Variants in MAF observed in about 807,000 individuals in gnomAD.
MAF encodes the protein transcription factor Maf.
MAF carries 10 observed loss-of-function variants against 22.0 expected under a neutral mutation model. The observed-to-expected ratio is 0.45, with a 90% CI of 0.28 to 0.77. The LOEUF (loss-of-function observed/expected upper bound fraction) is 0.77, where lower values mean the gene tolerates loss of function less well. Among genes scored for constraint, MAF ranks in the 30% least tolerant of loss-of-function variants. The probability of loss-of-function intolerance (pLI) is 0.12; values close to 1 mark genes in which losing one functional copy is unlikely to be tolerated. For synonymous variants in MAF, 337 were observed against 255.8 expected (o/e 1.32, Z -3.03); for missense variants, 544 against 548.4 (o/e 0.99, Z 0.08).
chr16:79,363,439 T>C, the MAF span, among the ~76,000 whole-genome samples: 1 of 152,194 alleles, frequency 6.6e-6, no homozygotes, highest in Non-Finnish European at 1.5e-5. Flanking sequence ...GGCAAAATCA[T>C]CTAACACAAA....
At chr16:79,413,426 T>G in the MAF span, among the ~76,000 whole-genome samples, 1 of 148,048 alleles carries the variant, frequency 6.8e-6, no homozygotes, top group African/African-American at 2.5e-5. Flanking sequence ...TTTTTATTTT[T>G]AGTAGAGACG....
chr16:79,427,849 A>G, the MAF span, among the ~76,000 whole-genome samples: 2 of 152,092 alleles, frequency 1.3e-5, no homozygotes, highest in Admixed American at 1.3e-4. Context: ...ATCTGATTTT[A>G]TACAGCTCTG....
At chr16:79,374,581 T>C in the MAF span, among the ~76,000 whole-genome samples, 2 of 152,192 alleles carry the variant, frequency 1.3e-5, no homozygotes, top group African/African-American at 2.4e-5. Flanking sequence ...TCAGCAAGGA[T>C]TTATTGATGA....
In MAF at chr16:79,599,639, C is replaced by T. The variant is rs746181829; in HGVS notation, c.264G>A (p.Leu88=). Residue 88 remains leucine (L), a synonymous_variant, in exon 1 of 2, where the codon CTG becomes CTA. Transcript: ENST00000326043. Reference sequence around the variant, plus strand: ...AGCCGGTCATCCAGTAGTAGTCTTCCAGGTGCGCCTTCTGCTCGCTGCCCG... The same window carrying T: ...AGCCGGTCATCCAGTAGTAGTCTTCTAGGTGCGCCTTCTGCTCGCTGCCCG... The part of the protein sequence containing the change: ...PGSGSEQKAH[L]EDYYWMTGYP... 13 of 1,611,704 alleles carry T rather than the reference C, an allele frequency of 8.1e-6. No homozygotes were observed. The highest frequency in any genetic ancestry group is 1.6e-4 in the Middle Eastern group (1 of 6,068).
At chr16:79,458,853 G>T in the MAF span, among the ~76,000 whole-genome samples, 1 of 152,176 alleles carries the variant, frequency 6.6e-6, no homozygotes. Context: ...ACTGAGAAAA[G>T]TTTCTCCCTG....
the MAF span, among the ~76,000 whole-genome samples, chr16:79,544,772 CA>C: frequency 0.037 from 4,183 of 113,540 alleles, 65 homozygotes; most frequent in Non-Finnish European, 0.046. Context: ...GGCTCTGTCT[CA>C]AAAAAAAAAA....
chr16:79,235,981 C>T, the MAF span, among the ~76,000 whole-genome samples: 67 of 152,116 alleles, frequency 4.4e-4, no homozygotes, highest in African/African-American at 1.5e-3. Flanking sequence ...TCTCTGCCAC[C>T]GTACCAGCAA....
At chr16:79,239,551 C>T in the MAF span, among the ~76,000 whole-genome samples, 1 of 152,020 alleles carries the variant, frequency 6.6e-6, no homozygotes, top group Admixed American at 6.6e-5. Context: ...CCACAGATGG[C>T]CAGATTAACC....
At chr16:79,213,565 A>G in the MAF span, among the ~76,000 whole-genome samples, 1 of 152,196 alleles carries the variant, frequency 6.6e-6, no homozygotes, top group African/African-American at 2.4e-5. Context: ...AGTGCTTTGC[A>G]CTGGGGCTTG....
At chr16:79,594,891 T>C (rs1913421463) in intron 1 of MAF, 3 of 1,204,248 alleles carry the variant, frequency 2.5e-6, no homozygotes, top group Non-Finnish European at 3.1e-6. Context: ...CAAACCTGCT[T>C]ATTATATTCA....
intron 1 of MAF, 100 bp downstream of exon 1, chr16:79,598,685 G>A: frequency 3.8e-6 from 6 of 1,567,202 alleles, no homozygotes; most frequent in Non-Finnish European, 5.2e-6. Flanking sequence ...GTGGTGAGGT[G>A]GTGGCGAGCA....
the MAF span, among the ~76,000 whole-genome samples, chr16:79,324,650 G>C: frequency 2.6e-5 from 4 of 152,188 alleles, no homozygotes; most frequent in African/African-American, 9.7e-5. Context: ...CAGATGCAAA[G>C]TTCTGTGCAG....
the MAF span, among the ~76,000 whole-genome samples, chr16:79,492,525 T>C: frequency 6.6e-6 from 1 of 151,346 alleles, no homozygotes; most frequent in Non-Finnish European, 1.5e-5. Flanking sequence ...CCATCCCAGG[T>C]CTAAACCCAA....
chr16:79,336,646 G>A, the MAF span, among the ~76,000 whole-genome samples: 1 of 152,164 alleles, frequency 6.6e-6, no homozygotes, highest in African/African-American at 2.4e-5. Context: ...AACACAGGAA[G>A]GTTAAATAAT....
the MAF span, among the ~76,000 whole-genome samples, chr16:79,442,834 GGGTAAACCACACCCAACAGATCT>G: frequency 1.3e-5 from 2 of 152,210 alleles, no homozygotes; most frequent in African/African-American, 4.8e-5. Context: ...ATTCTCCAAA[GGGTAAACCACACCCAACAGATCT>G]GGGGAAATCT....
chr16:79,519,232 G>A, the MAF span, among the ~76,000 whole-genome samples: 6 of 152,036 alleles, frequency 3.9e-5, no homozygotes, highest in East Asian at 1.9e-4. Context: ...CTCTGAGCTC[G>A]GGATACCCAG....
At chr16:79,377,211 C>G in the MAF span, among the ~76,000 whole-genome samples, 1 of 152,114 alleles carries the variant, frequency 6.6e-6, no homozygotes, top group African/African-American at 2.4e-5. Context: ...TTAATGATCC[C>G]CATTCTAACT....
chr16:79,496,063 T>A, the MAF span, among the ~76,000 whole-genome samples: 1 of 152,330 alleles, frequency 6.6e-6, no homozygotes, highest in South Asian at 2.1e-4. Flanking sequence ...TGCGAGACCC[T>A]GAGCTAGAGG....
chr16:79,591,960 G>A (rs546943101), downstream of MAF, among the ~76,000 whole-genome samples: 24 of 152,162 alleles, frequency 1.6e-4, no homozygotes, highest in African/African-American at 5.5e-4. Context: ...GGAAACATGT[G>A]AACATATTTT....
Sources: allele counts gnomAD v4.1 joint callset (sites outside exome capture counted in the v4.1 genomes callset), GRCh38; gene constraint gnomAD v4.1.1; transcripts MANE v1.5; gene names NCBI Gene and HGNC (gene_info 2026-07-23, HGNC 2026-07-21).